CRADD: variants seen among roughly 807,000 people sequenced by gnomAD.
CRADD encodes the protein death domain-containing protein CRADD.
Under a neutral mutation model 15.5 loss-of-function variants are expected in CRADD, and 9 were observed. The ratio of observed to expected loss-of-function variants is 0.58; its 90% confidence interval spans 0.35 to 1.01. The LOEUF (loss-of-function observed/expected upper bound fraction) is 1.01. Among genes scored for constraint, CRADD ranks in the 50% least tolerant of loss-of-function variants. CRADD has a pLI of 0.02. For synonymous variants in CRADD, 118 were observed against 107.6 expected, an observed-to-expected ratio of 1.10 and a Z score of -0.60; for missense variants, 227 against 250.3, an observed-to-expected ratio of 0.91 and a Z score of 0.63.
At chr12:93,834,063 A>G (rs975177024) in intron 2 of CRADD, among the ~76,000 whole-genome samples, 1 of 152,096 alleles carries the variant, frequency 6.6e-6, no homozygotes, top group Admixed American at 6.5e-5. Flanking sequence ...GCTCATGTTA[A>G]TGTGGTGGGC....
At position 93,838,398 on chromosome 12, in the gene CRADD, TACTCACTCC is replaced by T. The variant is rs1408499352; in HGVS notation, c.299-11556_299-11548del. ...CCTGACCTCCTCCACTCCACCACTCTACTCACTCCACTCACTCCACTCACATTAGCTACA... is the reference window on the plus strand; with the variant it reads ...CCTGACCTCCTCCACTCCACCACTCTACTCACTCCACTCACATTAGCTACA... On this transcript the variant is annotated intron_variant, in intron 2 of 2. Transcript: ENST00000332896. Among the ~76,000 whole-genome samples the T allele has an allele frequency of 3.3e-5, 5 of 151,574 alleles. No individual in the cohort carries two copies. In the South Asian group the frequency reaches 6.3e-4, roughly 19 times the overall value.
chr12:93,821,759 T>C (rs1040928447), intron 2 of CRADD, among the ~76,000 whole-genome samples: 2 of 152,130 alleles, frequency 1.3e-5, no homozygotes, highest in African/African-American at 4.8e-5. Context: ...GCCTCTTCCT[T>C]GTGGTGTTGC....
intron 2 of CRADD, among the ~76,000 whole-genome samples, chr12:93,804,634 T>C (rs954639156): frequency 2.0e-5 from 3 of 152,138 alleles, no homozygotes; most frequent in Admixed American, 2.0e-4. Context: ...AGATTTTGTT[T>C]CCTTCTAAAT....
downstream of CRADD, among the ~76,000 whole-genome samples, chr12:93,852,367 C>T (rs185997008): frequency 1.5e-3 from 235 of 152,342 alleles, no homozygotes; most frequent in Middle Eastern, 3.4e-3. Context: ...GAATCTGTCA[C>T]GCATAAAGAC....
intron 2 of CRADD, among the ~76,000 whole-genome samples, chr12:93,809,420 C>A (rs1470065693): frequency 2.0e-5 from 3 of 152,002 alleles, no homozygotes; most frequent in Non-Finnish European, 2.9e-5. Context: ...GGGTTCTGGC[C>A]CCATCTTTGC....
At chr12:93,814,798 G>A (rs1158283318) in intron 2 of CRADD, among the ~76,000 whole-genome samples, 1 of 152,120 alleles carries the variant, frequency 6.6e-6, no homozygotes, top group African/African-American at 2.4e-5. Flanking sequence ...GAGCCAACAA[G>A]GATGCGTGAA....
intron 2 of CRADD, among the ~76,000 whole-genome samples, chr12:93,817,654 A>G (rs1957721118): frequency 6.6e-6 from 1 of 151,388 alleles, no homozygotes; most frequent in Admixed American, 6.6e-5. Context: ...AACACGCATC[A>G]GATGAGGAGC....
At chr12:93,784,168 C>T (rs1036234236) in intron 2 of CRADD, among the ~76,000 whole-genome samples, 1 of 152,014 alleles carries the variant, frequency 6.6e-6, no homozygotes, top group Non-Finnish European at 1.5e-5. Context: ...ATGGTTCTGA[C>T]GTTGTTTCCT....
intron 2 of CRADD, among the ~76,000 whole-genome samples, chr12:93,761,373 A>C (rs1223518216): frequency 6.6e-6 from 1 of 152,032 alleles, no homozygotes; most frequent in Non-Finnish European, 1.5e-5. Context: ...TGGTGGTTTG[A>C]GTGAGAGATG....
chr12:93,701,251 C>T (rs1331282259), intron 2 of CRADD, among the ~76,000 whole-genome samples: 2 of 151,818 alleles, frequency 1.3e-5, no homozygotes, highest in Non-Finnish European at 2.9e-5. Flanking sequence ...TTCTCCTCCT[C>T]TTCCTCCTGT....
intron 2 of CRADD, among the ~76,000 whole-genome samples, chr12:93,884,168 G>A (rs958168248): frequency 9.2e-5 from 14 of 152,212 alleles, no homozygotes; most frequent in African/African-American, 3.4e-4. Context: ...GTTCTCCAGA[G>A]ACAGGCAGAG....
At chr12:93,817,279 T>A (rs1957713900) in intron 2 of CRADD, among the ~76,000 whole-genome samples, 1 of 152,148 alleles carries the variant, frequency 6.6e-6, no homozygotes, top group Admixed American at 6.5e-5. Context: ...TGAAGTGTGT[T>A]TTCAATGCCC....
At chr12:93,688,239 C>T (rs1003164486) in intron 2 of CRADD, among the ~76,000 whole-genome samples, 16 of 152,168 alleles carry the variant, frequency 1.1e-4, no homozygotes, top group Non-Finnish European at 1.2e-4. Context: ...CATTGGCTCA[C>T]GCCTGTTAAT....
intron 2 of CRADD, among the ~76,000 whole-genome samples, chr12:93,843,039 G>A (rs1334658045): frequency 6.6e-6 from 1 of 152,170 alleles, no homozygotes; most frequent in Non-Finnish European, 1.5e-5. Flanking sequence ...ATTCCCATTT[G>A]GGATTTTTTA....
intron 2 of CRADD, among the ~76,000 whole-genome samples, chr12:93,868,483 T>G (rs1044739939): frequency 3.3e-5 from 5 of 152,118 alleles, no homozygotes; most frequent in Non-Finnish European, 7.4e-5. Flanking sequence ...ATAAAGTCAG[T>G]TAAAATATAT....
chr12:93,756,771 C>T (rs1956894953), intron 2 of CRADD, among the ~76,000 whole-genome samples: 1 of 152,222 alleles, frequency 6.6e-6, no homozygotes, highest in South Asian at 2.1e-4. Context: ...CATGTAGGCA[C>T]AAAACCTTAA....
At chr12:93,753,033 C>T (rs780349338) in intron 2 of CRADD, among the ~76,000 whole-genome samples, 1 of 152,104 alleles carries the variant, frequency 6.6e-6, no homozygotes, top group Non-Finnish European at 1.5e-5. Context: ...GTAATTCAAC[C>T]ACCTCCCACT....
At chr12:93,711,313 A>G (rs776096641) in intron 2 of CRADD, among the ~76,000 whole-genome samples, 2 of 151,926 alleles carry the variant, frequency 1.3e-5, no homozygotes, top group East Asian at 1.9e-4. Context: ...GAGTTACTCA[A>G]CTGCTGCTTG....
At chr12:93,891,865 T>C (rs1199544322) in intron 2 of CRADD, among the ~76,000 whole-genome samples, 1 of 152,210 alleles carries the variant, frequency 6.6e-6, no homozygotes, top group Non-Finnish European at 1.5e-5. Context: ...TCCTCTCTCC[T>C]GCCACTTCTT....
Sources: gnomAD v4.1 joint callset for allele counts (sites outside exome capture counted in the v4.1 genomes callset) on GRCh38, gnomAD v4.1.1 for gene constraint, MANE v1.5 for transcripts, NCBI Gene and HGNC (gene_info 2026-07-23, HGNC 2026-07-21) for gene names.